NCOA2: variants seen among roughly 807,000 people sequenced by gnomAD.
NCOA2 encodes class E basic helix-loop-helix protein 75.
NCOA2 carries 21 observed loss-of-function variants against 145.1 expected under a neutral mutation model. The ratio of observed to expected loss-of-function variants is 0.14; its 90% CI spans 0.10 to 0.21. The LOEUF (loss-of-function observed/expected upper bound fraction) is 0.21. Among genes scored for constraint, NCOA2 ranks in the 10% least tolerant of loss-of-function variants. NCOA2 has a pLI of 1.00. For synonymous variants in NCOA2, 619 were observed against 637.5 expected, an observed-to-expected ratio of 0.97 and a Z score of 0.44; for missense variants, 1,472 against 1,837.6, an observed-to-expected ratio of 0.80 and a Z score of 3.64.
At chr8:70,224,515 G>A (rs1171141927) in intron 2 of NCOA2, among the ~76,000 whole-genome samples, 2 of 151,812 alleles carry the variant, frequency 1.3e-5, no homozygotes, top group Admixed American at 6.6e-5. Context: ...TCTAAATAGT[G>A]GGCAATAAAA....
chr8:70,237,401 G>A (rs1466711788), intron 2 of NCOA2, among the ~76,000 whole-genome samples: 2 of 148,592 alleles, frequency 1.3e-5, no homozygotes, highest in Non-Finnish European at 3.0e-5. Context: ...CTCATCTCAA[G>A]TAAATAATTC....
chr8:70,194,592 T>C (rs1458275194), intron 4 of NCOA2, among the ~76,000 whole-genome samples: 1 of 151,992 alleles, frequency 6.6e-6, no homozygotes, highest in African/African-American at 2.4e-5. Context: ...AAAACAAGCC[T>C]GGTATCCAAT....
chr8:70,437,833 A>T, the NCOA2 span, among the ~76,000 whole-genome samples: 1 of 152,206 alleles, frequency 6.6e-6, no homozygotes, highest in Non-Finnish European at 1.5e-5. Context: ...ACATTTGCTC[A>T]TGGATATTGT....
chr8:70,420,043 A>T, the NCOA2 span, among the ~76,000 whole-genome samples: 2 of 152,204 alleles, frequency 1.3e-5, no homozygotes, highest in South Asian at 4.1e-4. Context: ...TTCTCCTGCT[A>T]TTAGACTGTA....
intron 2 of NCOA2, among the ~76,000 whole-genome samples, chr8:70,263,432 CCAAA>C (rs1252484633): frequency 3.9e-5 from 6 of 151,942 alleles, no homozygotes; most frequent in South Asian, 2.1e-4. Flanking sequence ...ACTGTAGTGA[CCAAA>C]CAGATTACTC....
rs568265807 is a variant in NCOA2 at position 70,303,811 on chromosome 8, A to G, written c.-76-7011T>C. Among the ~76,000 whole-genome samples, 8 of 152,306 alleles carry G rather than the reference A, an allele frequency of 5.3e-5. No individual in the cohort carries two copies. In the South Asian group the frequency reaches 8.3e-4, roughly 16 times the overall value. ...TTACGGCGGAGGGGGAAGATAAGTT[A>G]TTGGGCAGAAATTAATCTTTCTTAA... On this transcript the variant is annotated intron_variant, in intron 1 of 22. Coordinates refer to ENST00000452400, the MANE Select transcript of NCOA2 (RefSeq NM_006540.4).
upstream of NCOA2, among the ~76,000 whole-genome samples, chr8:70,407,887 G>A (rs1814806724): frequency 6.6e-6 from 1 of 152,122 alleles, no homozygotes; most frequent in Non-Finnish European, 1.5e-5. Flanking sequence ...CACTGTCACA[G>A]GATTGATCCC....
At chr8:70,195,515 C>T (rs1817203790) in intron 4 of NCOA2, among the ~76,000 whole-genome samples, 1 of 152,154 alleles carries the variant, frequency 6.6e-6, no homozygotes, top group Non-Finnish European at 1.5e-5. Flanking sequence ...GAAGCTTAAG[C>T]TTTGTCAGCC....
intron 14 of NCOA2, among the ~76,000 whole-genome samples, chr8:70,139,644 CTTTTTTT>C (rs911504754): frequency 1.1e-5 from 1 of 91,860 alleles, no homozygotes; most frequent in South Asian, 4.0e-4. Flanking sequence ...CGCTGGCCAT[CTTTTTTT>C]TTTTTTTTTT....
chr8:70,442,143 G>GAAAGAAAGAAAGAAAGAA, the NCOA2 span, among the ~76,000 whole-genome samples: 8 of 127,426 alleles, frequency 6.3e-5, no homozygotes, highest in Non-Finnish European at 3.1e-5. Context: ...AAGAAAGAAA[G>GAAAGAAAGAAAGAAAGAA]AAAGAAAGAA....
chr8:70,124,395 G>A (rs1011507580), intron 20 of NCOA2, among the ~76,000 whole-genome samples: 31 of 151,322 alleles, frequency 2.0e-4, no homozygotes, highest in African/African-American at 7.1e-4. Flanking sequence ...TCATGCAAGC[G>A]ATATCAAGCA....
chr8:70,114,126 C>G (rs1806821600), intron 22 of NCOA2, among the ~76,000 whole-genome samples: 1 of 152,142 alleles, frequency 6.6e-6, no homozygotes, highest in Non-Finnish European at 1.5e-5. Context: ...CAGATACTCC[C>G]AAGGTTCTCT....
Position 70,179,624 on chromosome 8 carries a change from A to G in NCOA2, c.260-4765T>C, listed in dbSNP as rs1305220313. Among the ~76,000 whole-genome samples the G allele has an allele frequency of 2.0e-5, 3 of 152,230 alleles. No individual in the cohort carries two copies. The East Asian group carries it at 5.8e-4, about 29-fold the overall frequency. ...TTACTACACTAAAACACACTATTAAATATTTTTAAATAAGGCAGTTTTCTC... is the reference window on the plus strand; with the variant it reads ...TTACTACACTAAAACACACTATTAAGTATTTTTAAATAAGGCAGTTTTCTC... On this transcript the variant is annotated intron_variant, in intron 4 of 22. Coordinates refer to ENST00000452400, the MANE Select transcript of NCOA2 (RefSeq NM_006540.4).
In NCOA2 at chr8:70,145,572, C is replaced by T. The variant is rs181864634; in HGVS notation, c.2606-724G>A. On this transcript the variant is annotated intron_variant, in intron 12 of 22. Coordinates refer to ENST00000452400, the MANE Select transcript of NCOA2 (RefSeq NM_006540.4). ...TCTTGACCGTGTGACCCGCCTGCCT[C>T]GGCCTCCCAAAGTGCTGGGATTACA... Among the ~76,000 whole-genome samples, 832 of 151,576 alleles carry T rather than the reference C, an allele frequency of 5.5e-3. 9 individuals are homozygous for T. Among genetic ancestry groups the T allele is most frequent in the African/African-American group, 0.019 (785 of 41,296 alleles).
At chr8:70,455,232 T>C in the NCOA2 span, among the ~76,000 whole-genome samples, 1 of 152,242 alleles carries the variant, frequency 6.6e-6, no homozygotes, top group Non-Finnish European at 1.5e-5. Flanking sequence ...ACATTCTTTA[T>C]AATGTGTAAG....
At chr8:70,181,581 T>C (rs1815484294) in intron 4 of NCOA2, among the ~76,000 whole-genome samples, 1 of 152,190 alleles carries the variant, frequency 6.6e-6, no homozygotes, top group African/African-American at 2.4e-5. Flanking sequence ...TGAGGAGAGT[T>C]GTTTTTACAG....
In NCOA2 at chr8:70,153,884, T is replaced by C. The variant is rs1353189084; in HGVS notation, c.2394+2087A>G. Among the ~76,000 whole-genome samples the C allele has an allele frequency of 2.0e-5, 3 of 152,256 alleles. No homozygotes were observed. The East Asian group carries it at 5.8e-4, about 29-fold the overall frequency. On this transcript the variant is annotated intron_variant, in intron 11 of 22. Coordinates refer to ENST00000452400, the MANE Select transcript of NCOA2 (RefSeq NM_006540.4). ...TTAAGGATTAATCACCCAAGACGTTTATATAATTTGGCTCCGCTTCCCTTG... is the reference window on the plus strand; with the variant it reads ...TTAAGGATTAATCACCCAAGACGTTCATATAATTTGGCTCCGCTTCCCTTG...
intron 2 of NCOA2, among the ~76,000 whole-genome samples, chr8:70,249,928 A>T (rs1222527823): frequency 6.9e-6 from 1 of 144,134 alleles, no homozygotes; most frequent in Non-Finnish European, 1.5e-5. Context: ...AGAACATTGC[A>T]CTCCAGCCTA....
At chr8:70,435,273 A>C in the NCOA2 span, among the ~76,000 whole-genome samples, 1 of 148,930 alleles carries the variant, frequency 6.7e-6, no homozygotes, top group Non-Finnish European at 1.5e-5. Context: ...AAAATACAAA[A>C]AATTAGCCGG....
Sources: gnomAD v4.1 joint callset for allele counts (sites outside exome capture counted in the v4.1 genomes callset) on GRCh38, gnomAD v4.1.1 for gene constraint, MANE v1.5 for transcripts, NCBI Gene and HGNC (gene_info 2026-07-23, HGNC 2026-07-21) for gene names.